The following LMF1 variants were observed in gnomAD, a reference collection of about 807,000 sequenced individuals.
LMF1 encodes the protein lipase maturation factor 1.
A neutral mutation model predicts 60.6 loss-of-function variants in LMF1; 68 were observed. The ratio of observed to expected loss-of-function variants is 1.12; its 90% confidence interval spans 0.92 to 1.37. The LOEUF is 1.37. Ranked by LOEUF, LMF1 falls within the 40% of genes most tolerant of loss-of-function variation. LMF1 has a pLI of 0.00. For synonymous variants in LMF1, 418 were observed against 324.7 expected (o/e 1.29, Z -3.09); for missense variants, 948 against 767.2 (o/e 1.24, Z -2.78).
intron 2 of LMF1, among the ~76,000 whole-genome samples, chr16:935,332 C>A (rs115501938): frequency 6.6e-6 from 1 of 151,994 alleles, no homozygotes; most frequent in Non-Finnish European, 1.5e-5. Flanking sequence ...TAGACTCAGG[C>A]GATCCTCCTG....
intron 5 of LMF1, among the ~76,000 whole-genome samples, chr16:888,403 CT>C (rs1331991098): frequency 6.6e-6 from 1 of 152,222 alleles, no homozygotes; most frequent in African/African-American, 2.4e-5. Flanking sequence ...TTCAGGGTCC[CT>C]GTACTCCAGA....
At chr16:858,868 GAGTGGTGTCTCGGGACGGGTGTGC>G (rs2069311899) in intron 10 of LMF1, among the ~76,000 whole-genome samples, 3 of 61,120 alleles carry the variant, frequency 4.9e-5, no homozygotes, top group Non-Finnish European at 6.3e-5. Context: ...GGACGGGTGT[GAGTGGTGTCTCGGGACGGGTGTGC>G]AGTGGTGTCT....
intron 4 of LMF1, among the ~76,000 whole-genome samples, chr16:896,253 C>G (rs1034427086): frequency 6.6e-6 from 1 of 150,662 alleles, no homozygotes; most frequent in East Asian, 2.0e-4. Flanking sequence ...GCACGGTCCA[C>G]ACACACGCCT....
Position 854,014 on chromosome 16 carries a change from GC to G in LMF1, c.*517del. The stretch of plus-strand genomic sequence containing the variant: ...ATGGCCCATCCAACCCCACATCCTG[GC>G]CGGGCGTGTCCAGGTCCCTGTGGGG... On this transcript the variant is annotated 3_prime_UTR_variant, in exon 11 of 11. Coordinates refer to ENST00000262301, the MANE Select transcript of LMF1 (RefSeq NM_022773.4). 1 of 454,326 alleles carries G rather than the reference GC, an allele frequency of 2.2e-6. No homozygotes were observed. The highest frequency in any genetic ancestry group is 4.4e-6 in the Non-Finnish European group (1 of 226,948). The allele number at this position is 454,326 out of a possible 1,614,324, so 28.1% of individuals were successfully genotyped here.
intron 1 of LMF1, among the ~76,000 whole-genome samples, chr16:960,420 G>A (rs79698646): frequency 0.035 from 1,564 of 44,386 alleles, 160 homozygotes; most frequent in African/African-American, 0.18. Context: ...CACGGTGACA[G>A]CACGGGATCA....
At chr16:914,703 CCTCCCACGACCATTGGTGACACT>C (rs1197593300) in intron 3 of LMF1, among the ~76,000 whole-genome samples, 69 of 139,452 alleles carry the variant, frequency 4.9e-4, no homozygotes, top group African/African-American at 5.2e-4. Context: ...TGACACACTC[CCTCCCACGACCATTGGTGACACT>C]CTCCCTCCCT....
intron 2 of LMF1, chr16:947,669 G>T: frequency 2.2e-6 from 1 of 447,612 alleles, no homozygotes; most frequent in Non-Finnish European, 4.5e-6. Context: ...TCGAGACAGT[G>T]GGGAAGGGAT....
intron 3 of LMF1, among the ~76,000 whole-genome samples, chr16:914,790 G>A (rs1006384869): frequency 3.5e-5 from 5 of 144,632 alleles, no homozygotes; most frequent in Admixed American, 2.8e-4. Flanking sequence ...CATGACCACT[G>A]GTGACACACT....
intron 2 of LMF1, among the ~76,000 whole-genome samples, chr16:938,332 C>T (rs761829276): frequency 8.7e-5 from 4 of 45,794 alleles, no homozygotes; most frequent in Non-Finnish European, 1.5e-4. Flanking sequence ...TGGTGGCTCG[C>T]GGGGACAGCA....
rs1433818213 is a variant in LMF1, at chr16:891,108, T to C, written c.729+1899A>G. ...GCTCATGGGGGCGGGAGGGACCCAC[T>C]GCATCCCAGCTGGCCACGTGGACAC... On this transcript the variant is annotated intron_variant, in intron 5 of 10. Transcript: ENST00000262301. Among the ~76,000 whole-genome samples, 3 of 152,344 alleles carry C rather than the reference T, an allele frequency of 2.0e-5. No homozygotes were observed. The East Asian group carries it at 5.8e-4, about 29-fold the overall frequency.
rs1247381557 is a variant in LMF1, at chr16:970,800, C to A, written c.181G>T (p.Ala61Ser). 1 of 1,539,712 alleles carries A rather than the reference C, an allele frequency of 6.5e-7. No homozygotes were observed. The highest frequency in any genetic ancestry group is 1.2e-5 in the South Asian group (1 of 82,468). Residue 61 changes from alanine to serine, a missense_variant, in exon 1 of 11, where the codon GCC becomes TCC. Physicochemically the swap from Ala to Ser is moderately conservative, Grantham distance 99 (BLOSUM62 1). Coordinates refer to ENST00000262301, the MANE Select transcript of LMF1 (RefSeq NM_022773.4). Reference protein sequence around the residue: ...LTRIVLLKALAFVYFVAFLVA... With the variant: ...LTRIVLLKALSFVYFVAFLVA... ...GCCCGGCACTCACAGTACACGAAGG[C>A]TAGGGCCTTCAGGAGCACGATCCGG...
At chr16:865,008 T>C (rs1034226906) in intron 10 of LMF1, among the ~76,000 whole-genome samples, 1 of 152,194 alleles carries the variant, frequency 6.6e-6, no homozygotes, top group African/African-American at 2.4e-5. Flanking sequence ...GTTCTGTTTC[T>C]GATTTCTTTG....
At chr16:915,870 G>C (rs1042403330) in intron 3 of LMF1, among the ~76,000 whole-genome samples, 1 of 152,074 alleles carries the variant, frequency 6.6e-6, no homozygotes, top group Non-Finnish European at 1.5e-5. Context: ...GGGACGCGGG[G>C]GCCGGAGCAG....
rs1282229351 is a variant in LMF1, at chr16:962,290, A to C, written c.194-7624T>G. Among the ~76,000 whole-genome samples, 2 of 152,236 alleles carry C rather than the reference A, an allele frequency of 1.3e-5. No individual in the cohort carries two copies. The highest frequency in any genetic ancestry group is 4.8e-5 in the African/African-American group (2 of 41,452). On this transcript the variant is annotated intron_variant, in intron 1 of 10. Transcript: ENST00000262301. This position sits in a 1 kb window ranked among gnomAD's most constrained non-coding sequence, Gnocchi z 4.5. ...CGGGATCACGACCCAGAGGGAAAAT[A>C]AATGGGCGTGGGTCCATAGTGACAA...
At chr16:906,382 C>A (rs1434518441) in intron 4 of LMF1, among the ~76,000 whole-genome samples, 1 of 152,128 alleles carries the variant, frequency 6.6e-6, no homozygotes, top group Non-Finnish European at 1.5e-5. Context: ...CAAGCTTAAT[C>A]TGGTGGGCAC....
chr16:898,768 C>G (rs2070730769), intron 4 of LMF1, among the ~76,000 whole-genome samples: 1 of 152,242 alleles, frequency 6.6e-6, no homozygotes, highest in Admixed American at 6.5e-5. Context: ...AGTTGCTGCC[C>G]TAGTCACCAT....
chr16:960,368 G>A, intron 1 of LMF1, among the ~76,000 whole-genome samples: 1 of 102,066 alleles, frequency 9.8e-6, no homozygotes, highest in Non-Finnish European at 2.0e-5. Context: ...CCCAGACACA[G>A]ACTCACGGTG....
chr16:871,417 G>C, intron 6 of LMF1, 76 bp from the exon 7 acceptor site: 4 of 1,447,618 alleles, frequency 2.8e-6, no homozygotes, highest in Non-Finnish European at 3.8e-6. Context: ...TCTCTTCCTG[G>C]AGCAGGGAGG....
intron 4 of LMF1, among the ~76,000 whole-genome samples, chr16:894,313 A>AC (rs1192420754): frequency 1.1e-5 from 1 of 89,492 alleles, no homozygotes; most frequent in Admixed American, 1.2e-4. Flanking sequence ...TGTCCACCGG[A>AC]TCGTCCACCC....
Sources: gnomAD v4.1 joint callset for allele counts (sites outside exome capture counted in the v4.1 genomes callset) on GRCh38, gnomAD v4.1.1 for gene constraint, Gnocchi (gnomAD v3.1) non-coding constraint, MANE v1.5 for transcripts, NCBI Gene and HGNC (gene_info 2026-07-23, HGNC 2026-07-21) for gene names.